TPST1: variants seen among roughly 807,000 people sequenced by gnomAD.
TPST1 encodes tyrosylprotein sulfotransferase 1.
Under a neutral mutation model 34.8 loss-of-function variants are expected in TPST1, and 20 were observed. The observed-to-expected ratio is 0.57, with a 90% CI of 0.40 to 0.84. The LOEUF (loss-of-function observed/expected upper bound fraction) is 0.84. Among genes scored for constraint, TPST1 ranks in the 40% least tolerant of loss-of-function variants. TPST1 has a pLI of 0.00. For missense variants in TPST1, 353 were observed against 455.5 expected, an observed-to-expected ratio of 0.78 and a Z score of 2.05; for synonymous variants, 152 against 159.4, an observed-to-expected ratio of 0.95 and a Z score of 0.35.
At chr7:66,256,522 G>A (rs1424492192) in intron 2 of TPST1, among the ~76,000 whole-genome samples, 1 of 152,148 alleles carries the variant, frequency 6.6e-6, no homozygotes, top group Non-Finnish European at 1.5e-5. Flanking sequence ...TGTCTTAGGT[G>A]GAGGGCCTTA....
At position 66,341,661 on chromosome 7, in the gene TPST1, A is replaced by G. The variant is rs116952386; in HGVS notation, c.1045-10844A>G. Among the ~76,000 whole-genome samples the G allele has an allele frequency of 7.2e-5, 11 of 152,346 alleles. No individual in the cohort carries two copies. In the East Asian group the frequency reaches 1.9e-3, roughly 27 times the overall value. On this transcript the variant is annotated intron_variant, in intron 3 of 5. Transcript: ENST00000304842. ...ACCCATAATTATACTCAACTCTCAT[A>G]TAGAGAACTCCATTTAACTTTGTAG...
chr7:66,295,080 G>C (rs1420948689), intron 3 of TPST1, among the ~76,000 whole-genome samples: 3 of 152,128 alleles, frequency 2.0e-5, no homozygotes, highest in African/African-American at 4.8e-5. Flanking sequence ...GTGCTGCAGT[G>C]AACATCTTTG....
chr7:66,323,587 T>C (rs933751213), intron 3 of TPST1, among the ~76,000 whole-genome samples: 1 of 152,224 alleles, frequency 6.6e-6, no homozygotes, highest in Non-Finnish European at 1.5e-5. Context: ...ACTAAAAACT[T>C]TTGTATTACA....
intron 3 of TPST1, among the ~76,000 whole-genome samples, chr7:66,326,516 G>C (rs1372388814): frequency 6.6e-6 from 1 of 152,128 alleles, no homozygotes; most frequent in Non-Finnish European, 1.5e-5. Flanking sequence ...TATTTCCTTT[G>C]AACAGAAATA....
chr7:66,258,514 A>G (rs1790423887), intron 2 of TPST1, among the ~76,000 whole-genome samples: 1 of 152,150 alleles, frequency 6.6e-6, no homozygotes, highest in African/African-American at 2.4e-5. Flanking sequence ...AATCTCTCTT[A>G]TGTGTGAGCT....
chr7:66,358,580 G>GAATC (rs1427832996), intron 5 of TPST1, among the ~76,000 whole-genome samples: 1 of 152,086 alleles, frequency 6.6e-6, no homozygotes, highest in Non-Finnish European at 1.5e-5. Context: ...GTGCGTTGAT[G>GAATC]GATTATAGAC....
chr7:66,298,467 A>G (rs1285263935), intron 3 of TPST1, among the ~76,000 whole-genome samples: 1 of 152,144 alleles, frequency 6.6e-6, no homozygotes, highest in African/African-American at 2.4e-5. Flanking sequence ...TTTTATGTAT[A>G]CTATATACAT....
rs187543036 is a variant in TPST1, at chr7:66,334,407, G to A, written c.1045-18098G>A. Among the ~76,000 whole-genome samples, 718 of 152,180 alleles carry A rather than the reference G, an allele frequency of 4.7e-3. 4 individuals are homozygous for A. Among genetic ancestry groups the A allele is most frequent in the African/African-American group, 0.014 (570 of 41,516 alleles). ...TCCCAGCATGTTGGGAGGCCGAAAC[G>A]TGTGGATCACTTGAGGTCAGGAGTT... On this transcript the variant is annotated intron_variant, in intron 3 of 5. Coordinates refer to ENST00000304842, the MANE Select transcript of TPST1 (RefSeq NM_003596.4).
chr7:66,292,514 C>T (rs1390826670), intron 3 of TPST1, among the ~76,000 whole-genome samples: 3 of 58,412 alleles, frequency 5.1e-5, no homozygotes, highest in Non-Finnish European at 9.9e-5. Context: ...AGCGAGATTC[C>T]GTGGGCGTAG....
intron 3 of TPST1, among the ~76,000 whole-genome samples, chr7:66,316,142 G>A (rs768927747): frequency 1.3e-5 from 2 of 151,118 alleles, no homozygotes; most frequent in Non-Finnish European, 2.9e-5. Flanking sequence ...ATTTCACTGC[G>A]TAATTTTAAA....
chr7:66,343,249 G>GT (rs1291415019), intron 3 of TPST1, among the ~76,000 whole-genome samples: 2 of 152,202 alleles, frequency 1.3e-5, no homozygotes, highest in Non-Finnish European at 2.9e-5. Context: ...GGATGTGATT[G>GT]TAACAACGTG....
intron 4 of TPST1, 171 bp downstream of exon 4, chr7:66,352,726 T>A: frequency 1.0e-6 from 1 of 985,440 alleles, no homozygotes; most frequent in East Asian, 1.1e-4. Flanking sequence ...CTGGGACTTG[T>A]TGATTTTAAC....
intron 2 of TPST1, among the ~76,000 whole-genome samples, chr7:66,263,100 CATAAAAAA>C (rs1347210062): frequency 3.3e-5 from 5 of 150,338 alleles, no homozygotes; most frequent in African/African-American, 1.2e-4. Context: ...ACTCCATCTC[CATAAAAAA>C]ATAAAAAATA....
intron 4 of TPST1, among the ~76,000 whole-genome samples, chr7:66,353,442 C>T (rs1274175573): frequency 6.6e-6 from 1 of 152,194 alleles, no homozygotes; most frequent in Non-Finnish European, 1.5e-5. Flanking sequence ...GCACTCCAGC[C>T]TGGGTGACAG....
chr7:66,265,045 A>AG (rs2093996457), intron 2 of TPST1, among the ~76,000 whole-genome samples: 2 of 152,206 alleles, frequency 1.3e-5, no homozygotes, highest in African/African-American at 4.8e-5. Flanking sequence ...ATTTGCTTCT[A>AG]GGGCCCATCA....
At chr7:66,200,144 T>C in the TPST1 span, among the ~76,000 whole-genome samples, 15 of 152,142 alleles carry the variant, frequency 9.9e-5, no homozygotes, top group African/African-American at 3.6e-4. Context: ...TTGCATAGAC[T>C]TTCCCTCCAG....
chr7:66,215,854 G>T (rs1440336731), intron 1 of TPST1, among the ~76,000 whole-genome samples: 1 of 145,872 alleles, frequency 6.9e-6, no homozygotes, highest in African/African-American at 2.6e-5. Context: ...CTCACTGCAA[G>T]CTCCACCTCC....
At chr7:66,278,063 GC>G (rs966226794) in intron 2 of TPST1, among the ~76,000 whole-genome samples, 4 of 118,018 alleles carry the variant, frequency 3.4e-5, no homozygotes, top group African/African-American at 1.3e-4. Flanking sequence ...TTGTGCCACT[GC>G]ACTCCAGCCT....
At chr7:66,321,418 C>T (rs901928995) in intron 3 of TPST1, among the ~76,000 whole-genome samples, 12 of 152,234 alleles carry the variant, frequency 7.9e-5, no homozygotes, top group African/African-American at 2.9e-4. Context: ...AACCATAAAT[C>T]ACATTGTTAG....
Sources: allele counts gnomAD v4.1 joint callset (sites outside exome capture counted in the v4.1 genomes callset), GRCh38; gene constraint gnomAD v4.1.1; transcripts MANE v1.5; gene names NCBI Gene and HGNC (gene_info 2026-07-23, HGNC 2026-07-21).